Variants in TSPAN7 observed in about 807,000 individuals in gnomAD.
TSPAN7 encodes the protein tetraspanin 7, also known as tetraspanin-7.
A neutral mutation model predicts 17.6 loss-of-function variants in TSPAN7; 1 was observed. The ratio of observed to expected loss-of-function variants is 0.06; its 90% CI spans 0.02 to 0.27. The LOEUF (loss-of-function observed/expected upper bound fraction) is 0.27, where lower values mean the gene tolerates loss of function less well. Ranked by LOEUF, TSPAN7 falls within the 10% of genes least tolerant of loss-of-function variation. The pLI is 1.00. For missense variants in TSPAN7, 112 were observed against 201.7 expected, an observed-to-expected ratio of 0.56 and a Z score of 2.69; for synonymous variants, 78 against 79.0, an observed-to-expected ratio of 0.99 and a Z score of 0.07.
intron 1 of TSPAN7, among the ~76,000 whole-genome samples, chrX:38,650,457 T>G (rs900576998): frequency 9.2e-6 from 1 of 108,585 alleles, no homozygotes; most frequent in Admixed American, 1.0e-4. Flanking sequence ...TGCCAGGGCT[T>G]CAGACAGCCC....
chrX:38,637,604 G>A (rs1246594911), intron 1 of TSPAN7, among the ~76,000 whole-genome samples: 1 of 112,170 alleles, frequency 8.9e-6, no homozygotes, highest in East Asian at 2.8e-4. Flanking sequence ...CCACAGGAGA[G>A]TAAGCCCCTG....
At chrX:38,627,201 G>A (rs1403716694) in intron 1 of TSPAN7, among the ~76,000 whole-genome samples, 1 of 111,540 alleles carries the variant, frequency 9.0e-6, no homozygotes, top group East Asian at 2.8e-4. Flanking sequence ...ATCACACATT[G>A]GGAAAGTGGG....
At chrX:38,660,282 G>A (rs1057045409) in intron 1 of TSPAN7, among the ~76,000 whole-genome samples, 6 of 111,876 alleles carry the variant, frequency 5.4e-5, no homozygotes, top group African/African-American at 2.0e-4. Flanking sequence ...AAAATTTTAA[G>A]TTATAAATAT....
chrX:38,628,453 A>G (rs1424425429), intron 1 of TSPAN7, among the ~76,000 whole-genome samples: 1 of 112,309 alleles, frequency 8.9e-6, no homozygotes, highest in African/African-American at 3.2e-5. Flanking sequence ...TGAGCAGGGA[A>G]AGAGTCCTTA....
intron 1 of TSPAN7, among the ~76,000 whole-genome samples, chrX:38,586,546 T>C (rs1350310812): frequency 8.9e-6 from 1 of 112,421 alleles, no homozygotes; most frequent in Non-Finnish European, 1.9e-5. Context: ...GATTTTTCTT[T>C]TAATTTGACT....
chrX:38,675,640 G>A, intron 4 of TSPAN7, 65 bp from the exon 5 acceptor site: 1 of 1,170,407 alleles, frequency 8.5e-7, no homozygotes, highest in East Asian at 3.0e-5. Context: ...AAGTCACAAG[G>A]CAGTGATTGA....
chrX:38,604,746 T>C (rs1602095827), intron 1 of TSPAN7, among the ~76,000 whole-genome samples: 1 of 110,995 alleles, frequency 9.0e-6, no homozygotes, highest in East Asian at 2.8e-4. Flanking sequence ...GATGCAAGGC[T>C]GGTTCAATAT....
intron 7 of TSPAN7, 37 bp from the exon 8 acceptor site, chrX:38,687,902 C>T: frequency 3.0e-6 from 1 of 330,984 alleles, no homozygotes; most frequent in East Asian, 4.7e-5. Context: ...GTCCTTATTA[C>T]TGGTGAATCA....
At chrX:38,667,057 G>A (rs749763169) in intron 2 of TSPAN7, among the ~76,000 whole-genome samples, 6 of 111,804 alleles carry the variant, frequency 5.4e-5, no homozygotes, top group Non-Finnish European at 9.4e-5. Context: ...GCCATGCATG[G>A]ATGCATGTGT....
chrX:38,665,036 G>A (rs2147449146), intron 1 of TSPAN7, among the ~76,000 whole-genome samples: 1 of 112,303 alleles, frequency 8.9e-6, no homozygotes, highest in Admixed American at 9.4e-5. Flanking sequence ...CAGATATTAG[G>A]AACTGTGTAT....
intron 1 of TSPAN7, among the ~76,000 whole-genome samples, chrX:38,623,602 T>C (rs2069502111): frequency 9.6e-6 from 1 of 104,081 alleles, no homozygotes; most frequent in African/African-American, 3.6e-5. Context: ...ATTATTAGGT[T>C]GGTGCAAAAG....
chrX:38,624,256 C>G (rs1005731686), intron 1 of TSPAN7, among the ~76,000 whole-genome samples: 1 of 111,186 alleles, frequency 9.0e-6, no homozygotes, highest in African/African-American at 3.3e-5. Flanking sequence ...ATGGCCCCCC[C>G]ACCAGCCATC....
intron 5 of TSPAN7, among the ~76,000 whole-genome samples, chrX:38,680,047 A>C (rs1265142620): frequency 8.9e-6 from 1 of 111,745 alleles, no homozygotes; most frequent in Non-Finnish European, 1.9e-5. Context: ...CTTGGGTGAC[A>C]AAGTTATCTG....
At chrX:38,678,266 T>C (rs1368721317) in intron 5 of TSPAN7, among the ~76,000 whole-genome samples, 1 of 112,110 alleles carries the variant, frequency 8.9e-6, no homozygotes, top group Non-Finnish European at 1.9e-5. Flanking sequence ...GTTACTTTGC[T>C]TGGCAGTTAC....
intron 1 of TSPAN7, among the ~76,000 whole-genome samples, chrX:38,660,162 T>A (rs2069735816): frequency 9.0e-6 from 1 of 110,831 alleles, no homozygotes; most frequent in African/African-American, 3.3e-5. Flanking sequence ...ATATATTGAG[T>A]CCCTTTCTGC....
chrX:38,620,301 A>G (rs1434707156), intron 1 of TSPAN7, among the ~76,000 whole-genome samples: 1 of 111,838 alleles, frequency 8.9e-6, no homozygotes, highest in Non-Finnish European at 1.9e-5. Context: ...TCGCCTCCTC[A>G]TGGGAGCAGA....
intron 2 of TSPAN7, among the ~76,000 whole-genome samples, chrX:38,670,770 A>G (rs2069816627): frequency 8.9e-6 from 1 of 112,773 alleles, no homozygotes. Flanking sequence ...CGTGTTCACA[A>G]ACATGATGGG....
At chrX:38,646,274 G>T (rs1163757400) in intron 1 of TSPAN7, 1 of 1,154,271 alleles carries the variant, frequency 8.7e-7, no homozygotes. Context: ...AGAAAAGGCT[G>T]CAGGATTTTG....
chrX:38,567,166 A>G (rs2069147886), intron 1 of TSPAN7, among the ~76,000 whole-genome samples: 1 of 111,955 alleles, frequency 8.9e-6, no homozygotes, highest in Non-Finnish European at 1.9e-5. Flanking sequence ...GCAACTCCTA[A>G]CATTTTAAAG....
Sources: allele counts gnomAD v4.1 joint callset (sites outside exome capture counted in the v4.1 genomes callset), GRCh38; gene constraint gnomAD v4.1.1; transcripts MANE v1.5; gene names NCBI Gene and HGNC (gene_info 2026-07-23, HGNC 2026-07-21).